Variants in ARMH3 observed in about 807,000 individuals in gnomAD.
ARMH3 encodes the protein armadillo like helical domain containing 3.
A neutral mutation model predicts 99.1 loss-of-function variants in ARMH3; 60 were observed. The observed-to-expected ratio is 0.61, with a 90% confidence interval of 0.49 to 0.75. The LOEUF (loss-of-function observed/expected upper bound fraction) is 0.75, where lower values mean the gene tolerates loss of function less well. Among genes scored for constraint, ARMH3 ranks in the 30% least tolerant of loss-of-function variants. The pLI is 0.00. For synonymous variants in ARMH3, 285 were observed against 292.8 expected, an observed-to-expected ratio of 0.97 and a Z score of 0.27; for missense variants, 679 against 843.1, an observed-to-expected ratio of 0.81 and a Z score of 2.41.
At chr10:101,966,302 T>G (rs1418413003) in intron 20 of ARMH3, among the ~76,000 whole-genome samples, 33 of 136,448 alleles carry the variant, frequency 2.4e-4, no homozygotes, top group East Asian at 1.0e-3. Flanking sequence ...TTTTTTTTTT[T>G]TTTTTTTTTT....
chr10:101,911,525 C>T (rs897682826), intron 23 of ARMH3, among the ~76,000 whole-genome samples: 1 of 152,018 alleles, frequency 6.6e-6, no homozygotes, highest in African/African-American at 2.4e-5. Context: ...TGGCTTGAGG[C>T]CAGGAGTTCG....
intron 24 of ARMH3, among the ~76,000 whole-genome samples, chr10:101,884,991 A>T (rs1208778321): frequency 6.6e-6 from 1 of 152,238 alleles, no homozygotes; most frequent in Non-Finnish European, 1.5e-5. Context: ...CCAATTAAGA[A>T]ATGTGCAAAG....
At chr10:102,048,714 C>T (rs915043713) in intron 1 of ARMH3, among the ~76,000 whole-genome samples, 5 of 152,108 alleles carry the variant, frequency 3.3e-5, no homozygotes, top group Admixed American at 2.6e-4. Flanking sequence ...CATGAGCCAC[C>T]GCACCCAGCT....
chr10:102,047,339 C>A (rs2067581434), intron 1 of ARMH3, among the ~76,000 whole-genome samples: 1 of 151,968 alleles, frequency 6.6e-6, no homozygotes, highest in African/African-American at 2.4e-5. Context: ...AAATGGAAAA[C>A]AAGTCAACTA....
chr10:102,022,965 G>A (rs1173093817), intron 8 of ARMH3, among the ~76,000 whole-genome samples: 3 of 151,906 alleles, frequency 2.0e-5, no homozygotes, highest in Non-Finnish European at 1.5e-5. Context: ...AAGGTGGGCA[G>A]ATCACCTGAC....
At chr10:101,881,910 T>C (rs575668469) in intron 24 of ARMH3, among the ~76,000 whole-genome samples, 3 of 152,340 alleles carry the variant, frequency 2.0e-5, no homozygotes, top group African/African-American at 7.2e-5. Flanking sequence ...CCAAACTCCA[T>C]TCTTTTCTCC....
In ARMH3 at chr10:102,023,457, C is replaced by G; in HGVS notation, c.669+20G>C. The G allele has an allele frequency of 6.3e-7, 1 of 1,598,374 alleles. No homozygotes were observed. The highest frequency in any genetic ancestry group is 1.1e-5 in the South Asian group (1 of 90,600). Reference sequence around the variant, plus strand: ...AAGATTATAGGCAGATAACAACTGTCCACTAAGGAGCCCAGTTACCTCATA... The same window carrying G: ...AAGATTATAGGCAGATAACAACTGTGCACTAAGGAGCCCAGTTACCTCATA... On this transcript the variant is annotated intron_variant, in intron 8 of 25. Transcript: ENST00000370033.
At chr10:102,038,023 T>G (rs2067317320) in intron 2 of ARMH3, among the ~76,000 whole-genome samples, 1 of 151,234 alleles carries the variant, frequency 6.6e-6, no homozygotes, top group Non-Finnish European at 1.5e-5. Flanking sequence ...AACTGGCACT[T>G]CCCATCCCCA....
chr10:101,871,613 G>T (rs1012210807), intron 24 of ARMH3, among the ~76,000 whole-genome samples: 1 of 151,972 alleles, frequency 6.6e-6, no homozygotes, highest in African/African-American at 2.4e-5. Context: ...TTTGGCGGGG[G>T]GGAAAGAACA....
intron 5 of ARMH3, among the ~76,000 whole-genome samples, chr10:102,026,960 A>G (rs1476617489): frequency 6.6e-6 from 1 of 152,182 alleles, no homozygotes; most frequent in Non-Finnish European, 1.5e-5. Flanking sequence ...TACCTGGCAT[A>G]TAGGGGCCCA....
At chr10:102,045,402 A>G (rs918758469) in intron 1 of ARMH3, among the ~76,000 whole-genome samples, 5 of 152,172 alleles carry the variant, frequency 3.3e-5, no homozygotes, top group Admixed American at 6.6e-5. Flanking sequence ...ACTACTCTCA[A>G]CTGAGAGATT....
intron 20 of ARMH3, among the ~76,000 whole-genome samples, chr10:101,963,350 C>T (rs1324346610): frequency 6.6e-6 from 1 of 151,966 alleles, no homozygotes; most frequent in Admixed American, 6.6e-5. Context: ...CCAGGATGGC[C>T]TCCATCTCCT....
intron 24 of ARMH3, among the ~76,000 whole-genome samples, chr10:101,854,875 C>G (rs572615212): frequency 6.6e-6 from 1 of 151,188 alleles, no homozygotes; most frequent in African/African-American, 2.4e-5. Context: ...TTGTACAATG[C>G]CTGGCACATA....
chr10:101,906,224 G>A (rs1432611764), intron 23 of ARMH3, among the ~76,000 whole-genome samples: 4 of 152,016 alleles, frequency 2.6e-5, no homozygotes, highest in African/African-American at 7.3e-5. Context: ...TGCAATCAAC[G>A]TTGTTGTTTA....
chr10:102,012,395 T>C (rs1418885599), intron 10 of ARMH3, among the ~76,000 whole-genome samples: 1 of 152,226 alleles, frequency 6.6e-6, no homozygotes, highest in Non-Finnish European at 1.5e-5. Flanking sequence ...TCATTCCCAA[T>C]AAATAAGAAA....
chr10:101,915,917 C>T (rs138381317), intron 23 of ARMH3, among the ~76,000 whole-genome samples: 1,551 of 151,878 alleles, frequency 0.01, 24 homozygotes, highest in African/African-American at 0.035. Flanking sequence ...CATTCTCCTG[C>T]CTCAGCCTCC....
chr10:101,966,110 T>C (rs1318516206), intron 20 of ARMH3, among the ~76,000 whole-genome samples: 2 of 146,748 alleles, frequency 1.4e-5, no homozygotes, highest in Non-Finnish European at 3.0e-5. Context: ...TTCTTTTTTT[T>C]TTTTTTTTTT....
At chr10:102,044,032 T>G (rs1030170207) in intron 1 of ARMH3, among the ~76,000 whole-genome samples, 1 of 151,580 alleles carries the variant, frequency 6.6e-6, no homozygotes, top group Non-Finnish European at 1.5e-5. Context: ...TTCTTGTGCC[T>G]CAGCCTTGTG....
chr10:102,050,075 G>A (rs561353172), intron 1 of ARMH3, among the ~76,000 whole-genome samples: 353 of 151,990 alleles, frequency 2.3e-3, no homozygotes, highest in Non-Finnish European at 4.0e-3. Context: ...CCCGGGAGGC[G>A]GTGGTTGCAA....
Sources: gnomAD v4.1 joint callset for allele counts (sites outside exome capture counted in the v4.1 genomes callset) on GRCh38, gnomAD v4.1.1 for gene constraint, MANE v1.5 for transcripts, NCBI Gene and HGNC (gene_info 2026-07-23, HGNC 2026-07-21) for gene names.